The following USP44 variants were observed in gnomAD, a reference collection of about 807,000 sequenced individuals.
USP44 encodes the protein ubiquitin carboxyl-terminal hydrolase 44.
Under a neutral mutation model 69.0 loss-of-function variants are expected in USP44, and 61 were observed. The ratio of observed to expected loss-of-function variants is 0.88; its 90% confidence interval spans 0.72 to 1.09. USP44 has a LOEUF of 1.09. USP44 is among the 50% of genes least tolerant of loss of function. USP44 has a pLI of 0.00. For missense variants in USP44, 753 were observed against 849.9 expected, an observed-to-expected ratio of 0.89 and a Z score of 1.42; for synonymous variants, 297 against 295.4, an observed-to-expected ratio of 1.01 and a Z score of -0.06.
rs962314387 is a variant in USP44, at chr12:95,551,418, C to G, written c.-217G>C. ...GGCGGCTGCCTCCAGTGCCCCCCTG[C>G]AAATCATTACAAATCAACCTCTTTC... On this transcript the variant is annotated 5_prime_UTR_variant, in exon 1 of 6. Transcript: ENST00000258499. 2.0e-5 allele frequency: 3 copies of G among 152,632 alleles called. No individual in the cohort carries two copies. Among genetic ancestry groups the G allele is most frequent in the African/African-American group, 7.2e-5 (3 of 41,426 alleles). The allele number at this position is 152,632 out of a possible 1,614,324, so 9.5% of individuals were successfully genotyped here. A position where few individuals can be genotyped will look rare whatever the true frequency, so the allele number is the denominator to read the frequency against.
At chr12:95,519,395 G>A (rs1380353202) in intron 5 of USP44, among the ~76,000 whole-genome samples, 1 of 149,002 alleles carries the variant, frequency 6.7e-6, no homozygotes, top group Non-Finnish European at 1.5e-5. Flanking sequence ...AAACACTTAT[G>A]GTCCCGAGCA....
intron 1 of USP44, among the ~76,000 whole-genome samples, chr12:95,540,971 G>A (rs1285459037): frequency 6.6e-6 from 1 of 152,128 alleles, no homozygotes; most frequent in Admixed American, 6.6e-5. Flanking sequence ...TCACCATACG[G>A]AAGTAGCAAT....
At chr12:95,547,751 C>T (rs1465159387) in intron 1 of USP44, among the ~76,000 whole-genome samples, 2 of 152,182 alleles carry the variant, frequency 1.3e-5, no homozygotes, top group African/African-American at 4.8e-5. Flanking sequence ...ATTTCACAAT[C>T]CCCGTTACTT....
intron 2 of USP44, among the ~76,000 whole-genome samples, chr12:95,529,465 C>T (rs2076952955): frequency 1.3e-5 from 2 of 151,876 alleles, no homozygotes; most frequent in South Asian, 2.1e-4. Flanking sequence ...GCTCTGTCCC[C>T]AGTGCTAGGG....
In USP44 at chr12:95,528,326, T is replaced by C. The variant is rs539533834; in HGVS notation, c.1624+481A>G. ...GGAATAACTAACACAGAAGAGACAG[T>C]GCATGGTTTTGAATAAATCTTTGTT... On this transcript the variant is annotated intron_variant, in intron 3 of 5. Transcript: ENST00000258499. Among the ~76,000 whole-genome samples the C allele has an allele frequency of 9.7e-4, 148 of 152,306 alleles. 1 individual carries two copies. The highest frequency in any genetic ancestry group is 3.5e-3 in the African/African-American group (146 of 41,564).
intron 1 of USP44, among the ~76,000 whole-genome samples, chr12:95,541,297 A>C (rs2077381341): frequency 1.3e-5 from 2 of 152,128 alleles, no homozygotes; most frequent in South Asian, 4.2e-4. Context: ...ATAATAATTA[A>C]TTCTGGCTGG....
At chr12:95,547,412 A>G (rs890048327) in intron 1 of USP44, among the ~76,000 whole-genome samples, 3 of 152,256 alleles carry the variant, frequency 2.0e-5, no homozygotes, top group African/African-American at 7.2e-5. Flanking sequence ...CGCTCTTTAA[A>G]ATATCCTGAG....
chr12:95,522,163 T>G, intron 4 of USP44: 7 of 963,046 alleles, frequency 7.3e-6, no homozygotes, highest in Non-Finnish European at 8.6e-6. Context: ...GAGATTATAA[T>G]CCAGTTTGGG....
chr12:95,536,941 A>C (rs927812767), intron 1 of USP44, among the ~76,000 whole-genome samples: 1 of 152,186 alleles, frequency 6.6e-6, no homozygotes, highest in African/African-American at 2.4e-5. Flanking sequence ...ACTTGCCCTA[A>C]TCATCCCCAA....
intron 3 of USP44, among the ~76,000 whole-genome samples, chr12:95,528,293 A>C (rs1463964235): frequency 6.6e-6 from 1 of 152,212 alleles, no homozygotes; most frequent in Non-Finnish European, 1.5e-5. Flanking sequence ...CTCTATCTAT[A>C]GACACTGGGA....
intron 2 of USP44, among the ~76,000 whole-genome samples, 168 bp downstream of exon 2, chr12:95,532,661 A>G (rs566996113): frequency 6.6e-6 from 1 of 152,284 alleles, no homozygotes; most frequent in South Asian, 2.1e-4. Context: ...GATTCATGAA[A>G]GAAGGAATTG....
rs892665992 is a variant in USP44, at chr12:95,529,580, G to A, written c.1429-578C>T. Among the ~76,000 whole-genome samples the A allele has an allele frequency of 1.0e-3, 154 of 152,016 alleles. 1 individual carries two copies. Among genetic ancestry groups the A allele is most frequent in the African/African-American group, 3.5e-3 (146 of 41,482 alleles). The stretch of plus-strand genomic sequence containing the variant: ...CTGGACTACAGGTGCCAGCTACCAC[G>A]CCTAGCTAATTTTTCTATTTTTAGT... On this transcript the variant is annotated intron_variant, in intron 2 of 5. Transcript: ENST00000258499.
intron 1 of USP44, among the ~76,000 whole-genome samples, chr12:95,539,299 C>T (rs926618462): frequency 2.0e-5 from 3 of 150,490 alleles, no homozygotes; most frequent in Non-Finnish European, 4.4e-5. Context: ...GATCTAGGCT[C>T]ACTGCAAGCT....
intron 1 of USP44, among the ~76,000 whole-genome samples, chr12:95,549,002 A>C (rs1246557884): frequency 6.6e-6 from 1 of 152,094 alleles, no homozygotes; most frequent in Non-Finnish European, 1.5e-5. Flanking sequence ...CGGCGCCGCA[A>C]GTGGGTCTGC....
At chr12:95,521,424 T>C (rs768641395) in intron 4 of USP44, among the ~76,000 whole-genome samples, 9 of 152,218 alleles carry the variant, frequency 5.9e-5, no homozygotes, top group Non-Finnish European at 1.3e-4. Context: ...AATTTAACTT[T>C]TGGGAAAGTA....
rs569140507 is a variant in USP44 at position 95,518,458 on chromosome 12, C to T, written c.1940-105G>A. 8 of 1,148,882 alleles carry T rather than the reference C, an allele frequency of 7.0e-6. No individual in the cohort carries two copies. The African/African-American group carries it at 9.4e-5, about 14-fold the overall frequency. The allele number at this position is 1,148,882 out of a possible 1,614,324, so 71.2% of individuals were successfully genotyped here. On this transcript the variant is annotated intron_variant, in intron 5 of 5. Transcript: ENST00000258499. ...TCTGAAGGGAAAATAATTTTCTAGC[C>T]AATTCATTTTTCTTTAATGAGAAAT...
At chr12:95,538,235 A>G (rs1388603883) in intron 1 of USP44, among the ~76,000 whole-genome samples, 2 of 152,192 alleles carry the variant, frequency 1.3e-5, no homozygotes, top group Non-Finnish European at 2.9e-5. Context: ...TACGTGCTAC[A>G]TACCTCAGTT....
At chr12:95,529,577 C>T (rs1242647097) in intron 2 of USP44, among the ~76,000 whole-genome samples, 2 of 152,034 alleles carry the variant, frequency 1.3e-5, no homozygotes, top group Admixed American at 6.6e-5. Flanking sequence ...TGCCAGCTAC[C>T]ACGCCTAGCT....
intron 1 of USP44, among the ~76,000 whole-genome samples, chr12:95,539,077 T>C (rs536132817): frequency 6.6e-6 from 1 of 152,336 alleles, no homozygotes; most frequent in African/African-American, 2.4e-5. Flanking sequence ...AATAGGATGC[T>C]TGAAATGAAA....
Sources: allele counts gnomAD v4.1 joint callset (sites outside exome capture counted in the v4.1 genomes callset), GRCh38; gene constraint gnomAD v4.1.1; transcripts MANE v1.5; gene names NCBI Gene and HGNC (gene_info 2026-07-23, HGNC 2026-07-21).